LRMDA: variants seen among roughly 807,000 people sequenced by gnomAD.
The protein encoded by LRMDA is leucine rich melanocyte differentiation associated.
In LRMDA, 18 loss-of-function variants were observed where a neutral mutation model predicts 29.8. That is an observed-to-expected ratio of 0.60 (90% CI 0.42 to 0.90). The LOEUF is 0.90. Among genes scored for constraint, LRMDA ranks in the 40% least tolerant of loss-of-function variants. LRMDA has a pLI of 0.00. For synonymous variants in LRMDA, 125 were observed against 109.4 expected, an observed-to-expected ratio of 1.14 and a Z score of -0.89; for missense variants, 273 against 273.9, an observed-to-expected ratio of 1.00 and a Z score of 0.02.
At chr10:76,124,113 A>G (rs60540570) in intron 5 of LRMDA, among the ~76,000 whole-genome samples, 3,391 of 152,144 alleles carry the variant, frequency 0.022, 129 homozygotes, top group African/African-American at 0.077. Context: ...AGGCCCAACC[A>G]TGACTCTCTG....
At chr10:76,409,212 T>C (rs866841564) in intron 6 of LRMDA, among the ~76,000 whole-genome samples, 9 of 152,206 alleles carry the variant, frequency 5.9e-5, no homozygotes, top group African/African-American at 1.9e-4. Flanking sequence ...TTCGTACTCT[T>C]TTCCTTTGAG....
At chr10:75,807,545 C>G (rs766978719) in intron 2 of LRMDA, among the ~76,000 whole-genome samples, 1 of 152,222 alleles carries the variant, frequency 6.6e-6, no homozygotes, top group Non-Finnish European at 1.5e-5. Flanking sequence ...TTTGCACATT[C>G]GACAAACTTT....
intron 2 of LRMDA, among the ~76,000 whole-genome samples, chr10:75,976,447 C>T (rs888712516): frequency 2.0e-5 from 3 of 152,154 alleles, no homozygotes; most frequent in African/African-American, 7.2e-5. Flanking sequence ...TTATTATCTT[C>T]ACAAGTGCTG....
intron 2 of LRMDA, among the ~76,000 whole-genome samples, chr10:75,594,109 G>A (rs1840756686): frequency 6.6e-6 from 1 of 152,222 alleles, no homozygotes; most frequent in Non-Finnish European, 1.5e-5. Context: ...TCTTCTCAAA[G>A]TGTTGATTGG....
chr10:76,413,553 A>G (rs7906683), intron 6 of LRMDA, among the ~76,000 whole-genome samples: 2,959 of 152,216 alleles, frequency 0.019, 93 homozygotes, highest in African/African-American at 0.067. Context: ...TGACTCAATT[A>G]TCTCCCACCG....
At chr10:75,995,425 G>A (rs1847445115) in intron 2 of LRMDA, among the ~76,000 whole-genome samples, 1 of 152,146 alleles carries the variant, frequency 6.6e-6, no homozygotes, top group Non-Finnish European at 1.5e-5. Context: ...TTTCTGAATT[G>A]TCCTAACTGG....
chr10:76,408,977 G>T (rs566909014), intron 6 of LRMDA, among the ~76,000 whole-genome samples: 9 of 152,246 alleles, frequency 5.9e-5, no homozygotes, highest in African/African-American at 2.2e-4. Flanking sequence ...AATATTTTAG[G>T]AATGAATGAA....
intron 2 of LRMDA, among the ~76,000 whole-genome samples, chr10:75,739,690 T>A (rs183771029): frequency 6.6e-6 from 1 of 152,216 alleles, no homozygotes. Flanking sequence ...ACTTGAGAAC[T>A]GAAGTATTGA....
chr10:76,427,068 G>A (rs1254746731), intron 6 of LRMDA, among the ~76,000 whole-genome samples: 4 of 152,140 alleles, frequency 2.6e-5, no homozygotes, highest in Non-Finnish European at 4.4e-5. Flanking sequence ...TTTGGCTTAG[G>A]ATTGACTTGG....
chr10:75,596,306 C>T (rs975352815), intron 2 of LRMDA, among the ~76,000 whole-genome samples: 3 of 152,314 alleles, frequency 2.0e-5, no homozygotes, highest in Non-Finnish European at 2.9e-5. Flanking sequence ...CTGCACTCTC[C>T]GCCCTTACGT....
chr10:76,426,177 C>T (rs926408375), intron 6 of LRMDA, among the ~76,000 whole-genome samples: 1 of 152,202 alleles, frequency 6.6e-6, no homozygotes, highest in Non-Finnish European at 1.5e-5. Context: ...AGAATCACCA[C>T]ACTGACTTCC....
intron 5 of LRMDA, among the ~76,000 whole-genome samples, chr10:76,257,131 A>T (rs1852609976): frequency 1.3e-5 from 2 of 152,180 alleles, no homozygotes; most frequent in African/African-American, 2.4e-5. Flanking sequence ...GATCTCTAAT[A>T]TATTTGAATA....
chr10:75,709,393 T>A (rs896663193), intron 2 of LRMDA, among the ~76,000 whole-genome samples: 6 of 151,736 alleles, frequency 4.0e-5, no homozygotes, highest in African/African-American at 1.5e-4. Flanking sequence ...TGTGCCTGTG[T>A]GTGTGCATGT....
At chr10:75,846,728 C>G (rs144255405) in intron 2 of LRMDA, among the ~76,000 whole-genome samples, 2 of 151,948 alleles carry the variant, frequency 1.3e-5, no homozygotes, top group East Asian at 3.9e-4. Context: ...ACAAACCCCC[C>G]ACCACCAACA....
chr10:75,739,797 C>T (rs891806296), intron 2 of LRMDA, among the ~76,000 whole-genome samples: 4 of 152,192 alleles, frequency 2.6e-5, no homozygotes, highest in Non-Finnish European at 4.4e-5. Flanking sequence ...ATGTTAGTGT[C>T]TGTCGGTAAT....
intron 6 of LRMDA, among the ~76,000 whole-genome samples, chr10:76,460,230 C>A (rs1842498523): frequency 6.6e-6 from 1 of 152,228 alleles, no homozygotes; most frequent in Non-Finnish European, 1.5e-5. Flanking sequence ...ACACTGCACC[C>A]TCTATCAGTG....
chr10:75,790,569 G>A lies in LRMDA; in HGVS notation c.132-245439G>A, dbSNP rs565027599. Among the ~76,000 whole-genome samples, 17 of 152,262 alleles carry A rather than the reference G, an allele frequency of 1.1e-4. No homozygotes were observed. The South Asian group carries it at 3.1e-3, about 28-fold the overall frequency. The stretch of plus-strand genomic sequence containing the variant: ...TCCTTCCTAACTGTATGACATAAAC[G>A]TAAAGTATCACAAGAGCTTATGCTG... On this transcript the variant is annotated intron_variant, in intron 2 of 6. Coordinates refer to ENST00000611255, the MANE Select transcript of LRMDA (RefSeq NM_001305581.2).
chr10:76,355,532 G>A (rs1234276273), intron 6 of LRMDA, among the ~76,000 whole-genome samples: 3 of 152,166 alleles, frequency 2.0e-5, no homozygotes, highest in Non-Finnish European at 4.4e-5. Flanking sequence ...CAAAGGACAC[G>A]TGTGTGTTAT....
chr10:75,680,618 T>C (rs1161274325), intron 2 of LRMDA, among the ~76,000 whole-genome samples: 2 of 152,046 alleles, frequency 1.3e-5, no homozygotes, highest in Non-Finnish European at 1.5e-5. Flanking sequence ...CCACCTAGAA[T>C]GAAATAGGCT....
Sources: gnomAD v4.1 joint callset for allele counts (sites outside exome capture counted in the v4.1 genomes callset) on GRCh38, gnomAD v4.1.1 for gene constraint, MANE v1.5 for transcripts, NCBI Gene and HGNC (gene_info 2026-07-23, HGNC 2026-07-21) for gene names.